The following ATRNL1 variants were observed in gnomAD, a reference collection of about 807,000 sequenced individuals.
ATRNL1 encodes attractin like 1.
ATRNL1 carries 95 observed loss-of-function variants against 182.7 expected under a neutral mutation model. The observed-to-expected ratio is 0.52, with a 90% confidence interval of 0.44 to 0.62. The LOEUF is 0.62. Ranked by LOEUF, ATRNL1 falls within the 20% of genes least tolerant of loss-of-function variation. The pLI is 0.00. For synonymous variants in ATRNL1, 576 were observed against 568.3 expected (o/e 1.01, Z -0.19); for missense variants, 1,471 against 1,679.5 (o/e 0.88, Z 2.17).
intron 28 of ATRNL1, among the ~76,000 whole-genome samples, chr10:115,908,976 C>T (rs1241495125): frequency 1.3e-5 from 2 of 152,176 alleles, no homozygotes; most frequent in Non-Finnish European, 2.9e-5. Flanking sequence ...CACGTCATGC[C>T]TGCACACCCC....
chr10:115,127,542 A>G lies in ATRNL1; in HGVS notation c.492-51A>G, dbSNP rs781816384. ...TTTCTGAGTAAATTTTATGTGCTTA[A>G]CAGTCTTATGTATATCTATACATAC... On this transcript the variant is annotated intron_variant, in intron 3 of 28. Coordinates refer to ENST00000355044, the MANE Select transcript of ATRNL1 (RefSeq NM_207303.4). 2.0e-5 allele frequency: 30 copies of G among 1,477,634 alleles called. No individual in the cohort carries two copies. The African/African-American group carries it at 3.7e-4, about 18-fold the overall frequency. The allele number at this position is 1,477,634 out of a possible 1,614,324, so 91.5% of individuals were successfully genotyped here.
chr10:115,274,180 G>T (rs562900801), intron 13 of ATRNL1, among the ~76,000 whole-genome samples: 202 of 152,326 alleles, frequency 1.3e-3, no homozygotes, highest in African/African-American at 4.7e-3. Flanking sequence ...ACGTACCATT[G>T]CACCTGCAGG....
At chr10:115,694,772 T>A (rs983057881) in intron 26 of ATRNL1, among the ~76,000 whole-genome samples, 1 of 152,106 alleles carries the variant, frequency 6.6e-6, no homozygotes, top group Non-Finnish European at 1.5e-5. Flanking sequence ...GAATAAGGCA[T>A]TTTCTATGAC....
chr10:115,796,158 G>A (rs1949649221), intron 27 of ATRNL1, among the ~76,000 whole-genome samples: 1 of 151,712 alleles, frequency 6.6e-6, no homozygotes, highest in African/African-American at 2.4e-5. Context: ...TTCATGCCAG[G>A]CTGCCTCTCT....
rs189188118 is a variant in ATRNL1, at chr10:115,691,476, C to T, written c.3796-35772C>T. ...ATGGCTCACGCCTGTAATTCCAGCACTTTGGGAGGCCAAGGCAGGTGGATC... is the reference window on the plus strand; with the variant it reads ...ATGGCTCACGCCTGTAATTCCAGCATTTTGGGAGGCCAAGGCAGGTGGATC... On this transcript the variant is annotated intron_variant, in intron 26 of 28. Coordinates refer to ENST00000355044, the MANE Select transcript of ATRNL1 (RefSeq NM_207303.4). Among the ~76,000 whole-genome samples, 1,093 of 152,308 alleles carry T rather than the reference C, an allele frequency of 7.2e-3. 5 individuals are homozygous for T. Among genetic ancestry groups the T allele is most frequent in the Non-Finnish European group, 0.012 (790 of 68,040 alleles).
intron 24 of ATRNL1, among the ~76,000 whole-genome samples, chr10:115,475,848 A>G (rs782820350): frequency 2.0e-5 from 3 of 151,282 alleles, no homozygotes; most frequent in African/African-American, 7.3e-5. Flanking sequence ...GTGATTTCCC[A>G]TAATATTTAA....
chr10:115,380,057 G>T (rs546300059), intron 19 of ATRNL1, among the ~76,000 whole-genome samples: 4 of 151,974 alleles, frequency 2.6e-5, no homozygotes, highest in Non-Finnish European at 5.9e-5. Context: ...GTCTCGATCT[G>T]CTGACTTTGT....
rs1947220820 is a variant in ATRNL1 at position 115,715,499 on chromosome 10, T to A, written c.3796-11749T>A. Among the ~76,000 whole-genome samples the A allele has an allele frequency of 2.0e-5, 3 of 152,316 alleles. No individual in the cohort carries two copies. The South Asian group carries it at 6.2e-4, about 32-fold the overall frequency. ...CTTGTGGTGGCTTTTATGATTTTTA[T>A]TGAATTACTAGCAAGTATGGCAACT... On this transcript the variant is annotated intron_variant, in intron 26 of 28. Coordinates refer to ENST00000355044, the MANE Select transcript of ATRNL1 (RefSeq NM_207303.4).
intron 27 of ATRNL1, among the ~76,000 whole-genome samples, chr10:115,752,702 C>T (rs992973446): frequency 5.3e-5 from 8 of 151,942 alleles, no homozygotes; most frequent in Non-Finnish European, 7.4e-5. Flanking sequence ...GCTTGTAGTA[C>T]GTTGAGCACT....
intron 1 of ATRNL1, among the ~76,000 whole-genome samples, chr10:115,111,273 T>C (rs1844244456): frequency 6.6e-6 from 1 of 152,248 alleles, no homozygotes. Flanking sequence ...AATGTATTAA[T>C]GAGCTAAAAT....
chr10:115,344,828 T>A, intron 19 of ATRNL1, among the ~76,000 whole-genome samples: 1 of 152,324 alleles, frequency 6.6e-6, no homozygotes, highest in South Asian at 2.1e-4. Context: ...AGGACCCAAG[T>A]ACTCTTCAGT....
At chr10:115,794,325 A>G (rs1949600052) in intron 27 of ATRNL1, among the ~76,000 whole-genome samples, 1 of 152,160 alleles carries the variant, frequency 6.6e-6, no homozygotes, top group Non-Finnish European at 1.5e-5. Flanking sequence ...TCTCCTAAAA[A>G]AGGAACATTT....
At chr10:115,135,469 A>T (rs1004098355) in intron 5 of ATRNL1, among the ~76,000 whole-genome samples, 1 of 152,190 alleles carries the variant, frequency 6.6e-6, no homozygotes, top group South Asian at 2.1e-4. Context: ...CTAGGAATCC[A>T]ACTTACAAGG....
chr10:115,650,717 G>A (rs1005055994), intron 26 of ATRNL1, among the ~76,000 whole-genome samples: 7 of 151,882 alleles, frequency 4.6e-5, no homozygotes, highest in Non-Finnish European at 7.4e-5. Flanking sequence ...AAATTAAATG[G>A]CATACTTAAG....
chr10:115,118,956 A>T (rs1243954848), intron 1 of ATRNL1, among the ~76,000 whole-genome samples: 1 of 152,140 alleles, frequency 6.6e-6, no homozygotes. Context: ...TTGTTACTTA[A>T]AATGTGCTTC....
intron 19 of ATRNL1, among the ~76,000 whole-genome samples, chr10:115,379,063 CT>C (rs782560968): frequency 9.9e-5 from 15 of 151,882 alleles, no homozygotes; most frequent in African/African-American, 3.4e-4. Context: ...CTTTCAATAA[CT>C]TTTTTTGCAT....
In ATRNL1 at chr10:115,656,302, GA is replaced by G. The variant is rs370387052; in HGVS notation, c.3796-70939del. On this transcript the variant is annotated intron_variant, in intron 26 of 28. Coordinates refer to ENST00000355044, the MANE Select transcript of ATRNL1 (RefSeq NM_207303.4). ...TGTTGTTTTGATATAATATTAAAGA[GA>G]AAAAAATACTTCCTGGATGAAGCCA... Among the ~76,000 whole-genome samples the G allele has an allele frequency of 1.4e-4, 21 of 152,158 alleles. No homozygotes were observed. The East Asian group carries it at 3.1e-3, about 22-fold the overall frequency.
At chr10:115,536,128 G>A (rs1223071300) in intron 25 of ATRNL1, among the ~76,000 whole-genome samples, 1 of 152,244 alleles carries the variant, frequency 6.6e-6, no homozygotes. Flanking sequence ...GAGAACCACT[G>A]CTCTCTTCGA....
chr10:115,425,614 C>T (rs113611788), intron 20 of ATRNL1, among the ~76,000 whole-genome samples: 2,010 of 151,896 alleles, frequency 0.013, 35 homozygotes, highest in African/African-American at 0.045. Flanking sequence ...AGTATGGATG[C>T]GCATATGTTC....
Sources: gnomAD v4.1 joint callset for allele counts (sites outside exome capture counted in the v4.1 genomes callset) on GRCh38, gnomAD v4.1.1 for gene constraint, MANE v1.5 for transcripts, NCBI Gene and HGNC (gene_info 2026-07-23, HGNC 2026-07-21) for gene names.